Variants in EPHA5 observed in about 807,000 individuals in gnomAD.
The protein encoded by EPHA5 is ephrin type-A receptor 5.
Under a neutral mutation model 105.0 loss-of-function variants are expected in EPHA5, and 60 were observed. The observed-to-expected ratio is 0.57, with a 90% CI of 0.46 to 0.71. The LOEUF is 0.71. EPHA5 is among the 30% of genes least tolerant of loss of function. The pLI is 0.00. For synonymous variants in EPHA5, 513 were observed against 449.1 expected, an observed-to-expected ratio of 1.14 and a Z score of -1.80; for missense variants, 1,218 against 1,274.7, an observed-to-expected ratio of 0.96 and a Z score of 0.68.
intron 1 of EPHA5, among the ~76,000 whole-genome samples, chr4:65,666,215 A>G (rs1042870721): frequency 2.6e-5 from 4 of 152,202 alleles, no homozygotes; most frequent in Admixed American, 6.5e-5. Flanking sequence ...TCTTAAACAT[A>G]CAAAACATTC....
intron 5 of EPHA5, among the ~76,000 whole-genome samples, chr4:65,454,363 G>T (rs1008922211): frequency 6.6e-6 from 1 of 152,036 alleles, no homozygotes; most frequent in Non-Finnish European, 1.5e-5. Context: ...TGGAAGAAAG[G>T]TAATTTATTC....
chr4:65,560,954 TGA>T (rs1470865262), intron 3 of EPHA5, among the ~76,000 whole-genome samples: 3 of 152,046 alleles, frequency 2.0e-5, no homozygotes, highest in African/African-American at 7.2e-5. Context: ...CCATCCATGT[TGA>T]GTCTTTAAAT....
At chr4:65,414,559 A>C in intron 6 of EPHA5, 116 bp from the exon 7 acceptor site, 1 of 1,112,180 alleles carries the variant, frequency 9.0e-7, no homozygotes, top group South Asian at 1.6e-5. Context: ...CTATTAGTAC[A>C]AATATAACAT....
At chr4:65,342,781 T>C (rs1721858696) in intron 14 of EPHA5, among the ~76,000 whole-genome samples, 1 of 151,926 alleles carries the variant, frequency 6.6e-6, no homozygotes, top group South Asian at 2.1e-4. Flanking sequence ...TGTATGTATA[T>C]ATGTATATCT....
intron 3 of EPHA5, among the ~76,000 whole-genome samples, chr4:65,524,964 TA>T (rs1199935500): frequency 1.3e-5 from 2 of 151,784 alleles, no homozygotes; most frequent in African/African-American, 4.8e-5. Flanking sequence ...CACGTATCAT[TA>T]AAAAGTCACA....
At chr4:65,442,576 T>C (rs1385958592) in intron 5 of EPHA5, among the ~76,000 whole-genome samples, 4 of 152,220 alleles carry the variant, frequency 2.6e-5, no homozygotes, top group Admixed American at 6.5e-5. Flanking sequence ...TTCTGTGTAC[T>C]TGTATGTGTG....
chr4:65,634,590 A>AT (rs944067282), intron 2 of EPHA5, among the ~76,000 whole-genome samples: 4 of 151,888 alleles, frequency 2.6e-5, no homozygotes, highest in African/African-American at 9.7e-5. Context: ...TATGCTTTTT[A>AT]TTTTTCTAAA....
At chr4:65,539,141 G>C (rs530801366) in intron 3 of EPHA5, among the ~76,000 whole-genome samples, 1 of 151,490 alleles carries the variant, frequency 6.6e-6, no homozygotes, top group Non-Finnish European at 1.5e-5. Context: ...TAGGTGGAGA[G>C]GCATTATAAT....
At chr4:65,324,521 G>A (rs1032513297) in intron 16 of EPHA5, among the ~76,000 whole-genome samples, 1 of 150,904 alleles carries the variant, frequency 6.6e-6, no homozygotes, top group Non-Finnish European at 1.5e-5. Flanking sequence ...CCAATAAAGA[G>A]TTAACAGGTA....
At chr4:65,404,327 G>C (rs929657132) in intron 8 of EPHA5, 47 bp downstream of exon 8, 2 of 1,521,056 alleles carry the variant, frequency 1.3e-6, no homozygotes, top group Non-Finnish European at 1.8e-6. Flanking sequence ...ATCAAGGTGA[G>C]GAAGAGATCA....
intron 2 of EPHA5, among the ~76,000 whole-genome samples, chr4:65,637,668 G>A (rs115815476): frequency 0.02 from 2,905 of 148,276 alleles, 31 homozygotes; most frequent in African/African-American, 0.029. Context: ...AAATGCAATA[G>A]AAGGTCAAGG....
intron 3 of EPHA5, among the ~76,000 whole-genome samples, chr4:65,592,666 C>T (rs1374079553): frequency 3.3e-5 from 5 of 152,118 alleles, no homozygotes; most frequent in Non-Finnish European, 7.4e-5. Context: ...TTTCGGGATG[C>T]AAATTCATAT....
intron 8 of EPHA5, among the ~76,000 whole-genome samples, chr4:65,392,554 C>T (rs1206750878): frequency 1.3e-5 from 2 of 151,972 alleles, no homozygotes; most frequent in African/African-American, 2.4e-5. Flanking sequence ...TTGACGTCAC[C>T]GGGTACATCA....
intron 3 of EPHA5, among the ~76,000 whole-genome samples, chr4:65,546,491 C>T (rs190311184): frequency 9.9e-5 from 15 of 151,998 alleles, no homozygotes; most frequent in Admixed American, 7.9e-4. Context: ...CTATTAACAA[C>T]CTATTTTTCT....
chr4:65,515,393 AT>A (rs1356315985), intron 3 of EPHA5, among the ~76,000 whole-genome samples: 10 of 152,146 alleles, frequency 6.6e-5, no homozygotes, highest in Non-Finnish European at 1.5e-4. Context: ...GTCTGTTAAA[AT>A]TTTAACTCTG....
At chr4:65,657,713 G>A (rs1049156571) in intron 1 of EPHA5, among the ~76,000 whole-genome samples, 1 of 151,982 alleles carries the variant, frequency 6.6e-6, no homozygotes, top group African/African-American at 2.4e-5. Flanking sequence ...AAGACTTGGT[G>A]TACTTAACAG....
At chr4:65,382,429 G>A (rs139862955) in intron 8 of EPHA5, among the ~76,000 whole-genome samples, 83 of 151,638 alleles carry the variant, frequency 5.5e-4, no homozygotes, top group African/African-American at 1.8e-3. Flanking sequence ...ATTAGCAAAT[G>A]TTATTAAACG....
chr4:65,456,456 T>C (rs1480594096), intron 5 of EPHA5, among the ~76,000 whole-genome samples: 1 of 152,154 alleles, frequency 6.6e-6, no homozygotes, highest in Non-Finnish European at 1.5e-5. Context: ...GAAGAAAAAC[T>C]ATGCACTTTG....
intron 3 of EPHA5, among the ~76,000 whole-genome samples, chr4:65,575,672 T>C (rs1015806050): frequency 2.6e-5 from 4 of 152,016 alleles, no homozygotes; most frequent in Admixed American, 1.3e-4. Flanking sequence ...GAGAACTCTG[T>C]TAGAAATAAC....
Sources: gnomAD v4.1 joint callset for allele counts (sites outside exome capture counted in the v4.1 genomes callset) on GRCh38, gnomAD v4.1.1 for gene constraint, MANE v1.5 for transcripts, NCBI Gene and HGNC (gene_info 2026-07-23, HGNC 2026-07-21) for gene names.